The following SHE variants were observed in gnomAD, a reference collection of about 807,000 sequenced individuals.
SHE encodes Src homology 2 domain containing E.
A neutral mutation model predicts 49.8 loss-of-function variants in SHE; 11 were observed. The ratio of observed to expected loss-of-function variants is 0.22; its 90% CI spans 0.14 to 0.37. The LOEUF is 0.37. Ranked by LOEUF, SHE falls within the 10% of genes least tolerant of loss-of-function variation. The probability of loss-of-function intolerance (pLI) is 1.00; values close to 1 mark genes in which losing one functional copy is unlikely to be tolerated. For synonymous variants in SHE, 310 were observed against 278.1 expected (o/e 1.11, Z -1.14); for missense variants, 624 against 655.5 (o/e 0.95, Z 0.52).
downstream of SHE, among the ~76,000 whole-genome samples, chr1:154,474,710 G>A (rs1691834531): frequency 6.6e-6 from 1 of 152,034 alleles, no homozygotes; most frequent in Admixed American, 6.6e-5. Context: ...TTGCTATGTT[G>A]GCCAGGCTGG....
At chr1:154,494,516 T>C (rs1351914900) in intron 2 of SHE, among the ~76,000 whole-genome samples, 1 of 149,376 alleles carries the variant, frequency 6.7e-6, no homozygotes, top group Non-Finnish European at 1.5e-5. Context: ...GCCCGGCAGA[T>C]GGAGTTTATA....
exon 2 of SHE, chr1:154,470,339 A>G: frequency 7.8e-7 from 1 of 1,289,226 alleles, no homozygotes; most frequent in Non-Finnish European, 1.0e-6. Context: ...TTCCAGAAGA[A>G]CTTAGGAGAG....
rs951889073 is a variant in SHE, at chr1:154,486,814, T to C, written c.1025-131A>G. The C allele has an allele frequency of 7.5e-6, 7 of 932,294 alleles. No homozygotes were observed. In the African/African-American group the frequency reaches 1.0e-4, roughly 13 times the overall value. The allele number at this position is 932,294 out of a possible 1,614,324, so 57.8% of individuals were successfully genotyped here. ...TCCCCCTTTAACATTAACTATAATA[T>C]ACTGCAAAATACCCTGGCTAGCTGA... On this transcript the variant is annotated intron_variant, in intron 3 of 5. Coordinates refer to ENST00000304760, the MANE Select transcript of SHE (RefSeq NM_001010846.3).
At chr1:154,471,688 TCTCTC>T (rs1691747792) in intron 1 of SHE, among the ~76,000 whole-genome samples, 3 of 14,774 alleles carry the variant, frequency 2.0e-4, no homozygotes, top group African/African-American at 4.0e-4. Flanking sequence ...GTACTCTCTC[TCTCTC>T]TCTCTCTCTC....
chr1:154,486,117 C>T, intron 4 of SHE, 55 bp from the exon 5 acceptor site: 1 of 1,589,654 alleles, frequency 6.3e-7, no homozygotes, highest in Non-Finnish European at 8.6e-7. Flanking sequence ...AATACAAATC[C>T]AGACTGGGCA....
chr1:154,474,653 C>T (rs1691833330), downstream of SHE, among the ~76,000 whole-genome samples: 1 of 152,186 alleles, frequency 6.6e-6, no homozygotes, highest in African/African-American at 2.4e-5. Context: ...CACAGGCACA[C>T]ACCACCATGC....
chr1:154,470,866 C>T (rs993476606), intron 1 of SHE, among the ~76,000 whole-genome samples: 3 of 151,124 alleles, frequency 2.0e-5, no homozygotes, highest in South Asian at 2.1e-4. Flanking sequence ...AAAAATTTGC[C>T]TGGCATGGTG....
Position 154,489,114 on chromosome 1 carries a change from G to C in SHE, c.961C>G (p.Pro321Ala). The C allele has an allele frequency of 6.2e-7, 1 of 1,613,244 alleles. No individual in the cohort carries two copies. Among genetic ancestry groups the C allele is most frequent in the South Asian group, 1.1e-5 (1 of 91,036 alleles). The change falls in exon 3 of 6, where the codon CCC becomes GCC. Residue 321 changes from proline (P) to alanine (A), a missense_variant. By Grantham distance (27) the Pro-to-Ala change is conservative. Around this residue, in one of 4 missense-constraint regions of SHE, gnomAD observed 155 missense variants for 142.0 expected, o/e 1.09. Coordinates refer to ENST00000304760, the MANE Select transcript of SHE (RefSeq NM_001010846.3). Reference sequence around the variant, plus strand: ...CATGGCTGCTCGTACTCTGCCGCGGGCCTCTCGTCGTTCTCGGGCAGCCGG... The same window carrying C: ...CATGGCTGCTCGTACTCTGCCGCGGCCCTCTCGTCGTTCTCGGGCAGCCGG... ...DSRLPENDER[P>A]AAEYEQPWEW...
At chr1:154,470,951 A>C (rs912176177) in intron 1 of SHE, among the ~76,000 whole-genome samples, 1 of 151,890 alleles carries the variant, frequency 6.6e-6, no homozygotes, top group African/African-American at 2.4e-5. Flanking sequence ...CGGAGGTTTC[A>C]GTGAGCTGAG....
intron 1 of SHE, among the ~76,000 whole-genome samples, chr1:154,471,514 T>C (rs948811002): frequency 1.3e-5 from 2 of 151,734 alleles, no homozygotes; most frequent in African/African-American, 4.8e-5. Flanking sequence ...TTCAAGGTTA[T>C]AGTGAGCCAT....
Position 154,485,954 on chromosome 1 carries a change from G to A in SHE, c.1290C>T (p.Ser430=). 1 of 1,613,992 alleles carries A rather than the reference G, an allele frequency of 6.2e-7. No individual in the cohort carries two copies. Among genetic ancestry groups the A allele is most frequent in the Non-Finnish European group, 8.5e-7 (1 of 1,179,878 alleles). The change falls in exon 5 of 6, where the codon TCC becomes TCT. Residue 430 remains serine, a synonymous_variant. Transcript: ENST00000304760. ...RNSESGNSRY[S]IALKTSQGCV... ...TGGGGCTTACTTACTTTAGGGCAAT[G>A]GAGTACCTGCTGTTCCCTGACTCAC...
intron 1 of SHE, among the ~76,000 whole-genome samples, chr1:154,471,043 A>G (rs1691731448): frequency 6.6e-6 from 1 of 150,492 alleles, no homozygotes. Context: ...AAAAAAAAAT[A>G]AAAGAAAGGT....
intron 1 of SHE, among the ~76,000 whole-genome samples, chr1:154,472,329 T>C (rs1691766135): frequency 6.6e-6 from 1 of 152,208 alleles, no homozygotes; most frequent in Non-Finnish European, 1.5e-5. Flanking sequence ...CGTGTTTTCC[T>C]GCAGAACATA....
In SHE at chr1:154,483,668, CACAA is replaced by C; in HGVS notation, c.*477_*480del. 4 of 987,348 alleles carry C rather than the reference CACAA, an allele frequency of 4.1e-6. No homozygotes were observed. Among genetic ancestry groups the C allele is most frequent in the Non-Finnish European group, 3.6e-6 (3 of 831,270 alleles). 61.2% of individuals were successfully genotyped at this position (987,348 alleles called of 1,614,324 possible). On this transcript the variant is annotated 3_prime_UTR_variant, in exon 6 of 6. Coordinates refer to ENST00000304760, the MANE Select transcript of SHE (RefSeq NM_001010846.3). ...CTTAGCAAGGAAACAAGGGACAGGC[CACAA>C]ACAAAGTGTCATGGAATCACTTTAA...
At chr1:154,490,968 A>T (rs1189343941) in intron 2 of SHE, among the ~76,000 whole-genome samples, 1 of 152,186 alleles carries the variant, frequency 6.6e-6, no homozygotes, top group Non-Finnish European at 1.5e-5. Context: ...CTAACCAGCC[A>T]ACCAGCCACA....
intron 1 of SHE, among the ~76,000 whole-genome samples, chr1:154,470,544 G>GA (rs1223871240): frequency 6.6e-6 from 1 of 152,190 alleles, no homozygotes; most frequent in Non-Finnish European, 1.5e-5. Context: ...CTGGCGAGGT[G>GA]AAAGGCCTTT....
chr1:154,494,992 C>T (rs925776435), intron 2 of SHE, among the ~76,000 whole-genome samples: 2 of 152,230 alleles, frequency 1.3e-5, no homozygotes, highest in Admixed American at 1.3e-4. Context: ...GTAGAGATTG[C>T]AGTGAGCTGA....
Position 154,481,552 on chromosome 1 carries a change from T to C in SHE, c.*2597A>G. ...ATACATTCATCACAGTTGCTGGGTA[T>C]GGGCCAAAAATCATTTAGTGCACAA... On this transcript the variant is annotated 3_prime_UTR_variant, in exon 6 of 6. Coordinates refer to ENST00000304760, the MANE Select transcript of SHE (RefSeq NM_001010846.3). 1 of 985,438 alleles carries C rather than the reference T, an allele frequency of 1.0e-6. No homozygotes were observed. Among genetic ancestry groups the C allele is most frequent in the Non-Finnish European group, 1.2e-6 (1 of 829,936 alleles). The allele number at this position is 985,438 out of a possible 1,614,324, so 61.0% of individuals were successfully genotyped here.
chr1:154,476,548 C>T (rs1474661762), downstream of SHE, among the ~76,000 whole-genome samples: 1 of 151,972 alleles, frequency 6.6e-6, no homozygotes, highest in Non-Finnish European at 1.5e-5. Context: ...GAGGCTGAGG[C>T]TTGGACCCGG....
Sources: gnomAD v4.1 joint callset for allele counts (sites outside exome capture counted in the v4.1 genomes callset) on GRCh38, gnomAD v4.1.1 for gene constraint, gnomAD v4.1.1 regional missense constraint, MANE v1.5 for transcripts, NCBI Gene and HGNC (gene_info 2026-07-23, HGNC 2026-07-21) for gene names.